CEP170: variants seen among roughly 807,000 people sequenced by gnomAD.
CEP170 encodes centrosomal protein 170.
Under a neutral mutation model 151.9 loss-of-function variants are expected in CEP170, and 21 were observed. The observed-to-expected ratio is 0.14, with a 90% CI of 0.10 to 0.20. The LOEUF is 0.20. Ranked by LOEUF, CEP170 falls within the 10% of genes least tolerant of loss-of-function variation. The pLI, the probability that CEP170 is intolerant of heterozygous loss-of-function variation, is 1.00. For synonymous variants in CEP170, 356 were observed against 648.8 expected (o/e 0.55, Z 6.86); for missense variants, 964 against 1,892.9 (o/e 0.51, Z 9.11).
At chr1:243,208,714 C>G (rs1419331986) in intron 4 of CEP170, among the ~76,000 whole-genome samples, 1 of 151,754 alleles carries the variant, frequency 6.6e-6, no homozygotes, top group Non-Finnish European at 1.5e-5. Context: ...CTTACCAACA[C>G]TAGCTCTCTG....
In CEP170 at chr1:243,140,059, G is replaced by C. The variant is rs979228941; in HGVS notation, c.4108C>G (p.Pro1370Ala). Residue 1370 changes from proline (P) to alanine (A), a missense_variant, in exon 16 of 20, where the codon CCA becomes GCA. Physicochemically the swap from Pro to Ala is conservative, Grantham distance 27. Coordinates refer to ENST00000366542, the MANE Select transcript of CEP170 (RefSeq NM_014812.3). ...DESLNFRKIP[P>A]LVHSKTPEGN... ...TCTGGTGTTTTGGAATGAACTAATGGAGGAATCTTTCGGAAGTTGAGGCTT... is the reference window on the plus strand; with the variant it reads ...TCTGGTGTTTTGGAATGAACTAATGCAGGAATCTTTCGGAAGTTGAGGCTT... 6.2e-7 allele frequency: 1 copy of C among 1,613,860 alleles called. No homozygotes were observed. Among genetic ancestry groups the C allele is most frequent in the Non-Finnish European group, 8.5e-7 (1 of 1,179,804 alleles).
At chr1:243,229,751 C>T (rs949357810) in intron 1 of CEP170, among the ~76,000 whole-genome samples, 1 of 152,194 alleles carries the variant, frequency 6.6e-6, no homozygotes, top group Non-Finnish European at 1.5e-5. Context: ...CCACCTACTT[C>T]AATACCCACG....
intron 4 of CEP170, among the ~76,000 whole-genome samples, chr1:243,207,253 GA>G (rs1457530479): frequency 2.0e-5 from 3 of 152,096 alleles, no homozygotes; most frequent in African/African-American, 7.2e-5. Flanking sequence ...ATAATATTAA[GA>G]CAAACTAGAT....
intron 17 of CEP170, among the ~76,000 whole-genome samples, chr1:243,132,777 A>T (rs1034857804): frequency 6.6e-6 from 1 of 152,234 alleles, no homozygotes; most frequent in Admixed American, 6.5e-5. Flanking sequence ...CACAGCAGGT[A>T]ATCTGTGAAC....
chr1:243,146,086 A>C (rs1280523444), intron 14 of CEP170, among the ~76,000 whole-genome samples: 1 of 152,234 alleles, frequency 6.6e-6, no homozygotes, highest in Non-Finnish European at 1.5e-5. Context: ...GGAAAATCAA[A>C]CACCACATGT....
rs762832045 is a variant in CEP170 at position 243,200,494 on chromosome 1, G to C, written c.496+24C>G. On this transcript the variant is annotated intron_variant, in intron 6 of 19. Transcript: ENST00000366542. ...GTCTTCAAGATCAAGTATAAAGATG[G>C]TCTTTCGAGAGAGGCCAGCTTACCC... The C allele has an allele frequency of 7.6e-6, 12 of 1,576,392 alleles. No homozygotes were observed. In the South Asian group the frequency reaches 1.3e-4, roughly 16 times the overall value.
chr1:243,245,360 G>A (rs1156876054), intron 1 of CEP170, among the ~76,000 whole-genome samples: 1 of 151,996 alleles, frequency 6.6e-6, no homozygotes, highest in Non-Finnish European at 1.5e-5. Context: ...CAGGAAAACT[G>A]CTAGAGCCCA....
chr1:243,231,398 C>A (rs1401602964), intron 1 of CEP170, among the ~76,000 whole-genome samples: 1 of 151,920 alleles, frequency 6.6e-6, no homozygotes, highest in Non-Finnish European at 1.5e-5. Context: ...ATAAAGGTAT[C>A]TATAAAGCTA....
intron 14 of CEP170, among the ~76,000 whole-genome samples, chr1:243,151,727 T>C (rs2057097064): frequency 1.3e-5 from 2 of 152,258 alleles, no homozygotes; most frequent in African/African-American, 4.8e-5. Context: ...CTAGCTAAGA[T>C]AATTGATTAA....
intron 1 of CEP170, among the ~76,000 whole-genome samples, chr1:243,230,337 C>T (rs913548402): frequency 2.2e-5 from 3 of 136,854 alleles, no homozygotes; most frequent in Admixed American, 8.2e-5. Flanking sequence ...ATACAAAATA[C>T]AGTTCTCAAA....
At chr1:243,233,741 A>AAAAT (rs1367723157) in intron 1 of CEP170, among the ~76,000 whole-genome samples, 9 of 140,410 alleles carry the variant, frequency 6.4e-5, no homozygotes, top group African/African-American at 2.4e-4. Context: ...TCAAAAAAAA[A>AAAAT]ATATATATAT....
intron 1 of CEP170, among the ~76,000 whole-genome samples, chr1:243,249,866 A>G (rs1030689051): frequency 6.6e-6 from 1 of 152,226 alleles, no homozygotes; most frequent in African/African-American, 2.4e-5. Context: ...GTGGACCATG[A>G]GGTCAGGAGA....
At chr1:243,227,824 G>A (rs1452609173) in intron 1 of CEP170, among the ~76,000 whole-genome samples, 1 of 152,168 alleles carries the variant, frequency 6.6e-6, no homozygotes, top group African/African-American at 2.4e-5. Context: ...GTTTACCGAA[G>A]GCCTTTGGAC....
chr1:243,248,825 T>C (rs988542693), intron 1 of CEP170, among the ~76,000 whole-genome samples: 1 of 152,146 alleles, frequency 6.6e-6, no homozygotes, highest in African/African-American at 2.4e-5. Flanking sequence ...ATGAATAAAA[T>C]CTCTATGCAA....
chr1:243,150,792 A>G, intron 14 of CEP170, among the ~76,000 whole-genome samples: 1 of 152,222 alleles, frequency 6.6e-6, no homozygotes, highest in Non-Finnish European at 1.5e-5. Flanking sequence ...TACTGACTAT[A>G]TGTCAAGCAC....
upstream of CEP170, chr1:243,255,350 C>G (rs1258851942): frequency 6.5e-6 from 1 of 153,012 alleles, no homozygotes; most frequent in African/African-American, 2.4e-5. Flanking sequence ...GCGCCACACA[C>G]AGACAATGAA....
At chr1:243,146,770 T>C (rs1040421652) in intron 14 of CEP170, among the ~76,000 whole-genome samples, 2 of 151,878 alleles carry the variant, frequency 1.3e-5, no homozygotes, top group Admixed American at 6.6e-5. Context: ...AGAGACCCTA[T>C]ACTAGCACAC....
intron 10 of CEP170, among the ~76,000 whole-genome samples, chr1:243,184,764 C>T: frequency 6.6e-6 from 1 of 151,816 alleles, no homozygotes; most frequent in Non-Finnish European, 1.5e-5. Flanking sequence ...AGAGGCCATT[C>T]CAGAAACTCA....
chr1:243,155,090 C>T (rs2057429612), intron 14 of CEP170, among the ~76,000 whole-genome samples: 2 of 152,276 alleles, frequency 1.3e-5, no homozygotes, highest in South Asian at 2.1e-4. Context: ...TACATATATG[C>T]CTTTCCTCTA....
Sources: gnomAD v4.1 joint callset for allele counts (sites outside exome capture counted in the v4.1 genomes callset) on GRCh38, gnomAD v4.1.1 for gene constraint, MANE v1.5 for transcripts, NCBI Gene and HGNC (gene_info 2026-07-23, HGNC 2026-07-21) for gene names.